B3GLCT: variants seen among roughly 807,000 people sequenced by gnomAD.
B3GLCT encodes the protein beta-1,3-glucosyltransferase.
In B3GLCT, 65 loss-of-function variants were observed where a neutral mutation model predicts 63.4. The observed-to-expected ratio is 1.03, with a 90% CI of 0.84 to 1.26. The LOEUF (loss-of-function observed/expected upper bound fraction) is 1.26, where lower values mean the gene tolerates loss of function less well. B3GLCT is among the 50% of genes most tolerant of loss of function. The pLI, the probability that B3GLCT is intolerant of heterozygous loss-of-function variation, is 0.00. For synonymous variants in B3GLCT, 233 were observed against 219.2 expected (o/e 1.06, Z -0.55); for missense variants, 577 against 604.8 (o/e 0.95, Z 0.48).
intron 12 of B3GLCT, among the ~76,000 whole-genome samples, chr13:31,312,106 A>G (rs1021241158): frequency 1.2e-4 from 18 of 152,212 alleles, no homozygotes; most frequent in African/African-American, 4.3e-4. Context: ...GCTTATCACA[A>G]GTGACAGCAA....
intron 1 of B3GLCT, among the ~76,000 whole-genome samples, chr13:31,208,011 G>A (rs1437850800): frequency 2.6e-5 from 4 of 152,184 alleles, no homozygotes; most frequent in Non-Finnish European, 4.4e-5. Context: ...GAGGGAAACA[G>A]AGGCTCAGAG....
intron 10 of B3GLCT, among the ~76,000 whole-genome samples, chr13:31,278,832 A>G (rs972977394): frequency 2.0e-5 from 3 of 152,158 alleles, no homozygotes; most frequent in Admixed American, 6.5e-5. Context: ...CATATGTTCT[A>G]TTACCTAGTT....
intron 2 of B3GLCT, among the ~76,000 whole-genome samples, chr13:31,216,220 A>C (rs994657355): frequency 6.6e-6 from 1 of 152,208 alleles, no homozygotes; most frequent in Non-Finnish European, 1.5e-5. Flanking sequence ...TGATAATACT[A>C]ATTTCTTACG....
intron 4 of B3GLCT, 65 bp from the exon 5 acceptor site, chr13:31,246,958 T>TTTTTTTTTTTTTTTTTTTG: frequency 9.1e-7 from 1 of 1,101,514 alleles, no homozygotes; most frequent in East Asian, 2.5e-5. Context: ...TTTCTTTTTT[T>TTTTTTTTTTTTTTTTTTTG]TTTTTTTTAC....
intron 1 of B3GLCT, among the ~76,000 whole-genome samples, chr13:31,211,889 A>C (rs1336021214): frequency 1.3e-5 from 2 of 152,202 alleles, no homozygotes; most frequent in African/African-American, 4.8e-5. Flanking sequence ...TCTACATTCT[A>C]AGGGCTAGGG....
At position 31,215,203 on chromosome 13, in the gene B3GLCT, T is replaced by C. The variant is rs1006631793; in HGVS notation, c.120+103T>C. ...TTCATTCTTCAATTGTTATTTTTAT[T>C]GTTACATAATTCATATAATGTGGTC... On this transcript the variant is annotated intron_variant, in intron 2 of 14. Transcript: ENST00000343307. 46 of 1,186,522 alleles carry C rather than the reference T, an allele frequency of 3.9e-5. No individual in the cohort carries two copies. In the East Asian group the frequency reaches 1.0e-3, roughly 27 times the overall value. The allele number at this position is 1,186,522 out of a possible 1,614,324, so 73.5% of individuals were successfully genotyped here.
Position 31,200,305 on chromosome 13 carries a change from C to T in B3GLCT, c.70+151C>T, listed in dbSNP as rs1868577783. 8 of 270,670 alleles carry T rather than the reference C, an allele frequency of 3.0e-5. No individual in the cohort carries two copies. The South Asian group carries it at 1.1e-3, about 38-fold the overall frequency. 16.8% of individuals were successfully genotyped at this position (270,670 alleles called of 1,614,324 possible). A position where few individuals can be genotyped will look rare whatever the true frequency, so the allele number is the denominator to read the frequency against. On this transcript the variant is annotated intron_variant, in intron 1 of 14. Transcript: ENST00000343307. Reference sequence around the variant, plus strand: ...TCCCGCCGTCCGGTCCCCGCCGCGCCGCGCCGTCAGCAGCGCCCTCTCGCG... The same window carrying T: ...TCCCGCCGTCCGGTCCCCGCCGCGCTGCGCCGTCAGCAGCGCCCTCTCGCG...
rs1555254605 is a variant in B3GLCT, at chr13:31,308,362, A to AAAAAAAAAC, written c.1065-9196_1065-9195insCAAAAAAAA. Reference sequence around the variant, plus strand: ...AAAAAAAAATTAAAAAAAAAAAAACAAAAAAAAAAGCTAGTCCCACATGGC... The same window carrying AAAAAAAAAC: ...AAAAAAAAATTAAAAAAAAAAAAACAAAAAAAAACAAAAAAAAAGCTAGTCCCACATGGC... On this transcript the variant is annotated intron_variant, in intron 12 of 14. Coordinates refer to ENST00000343307, the MANE Select transcript of B3GLCT (RefSeq NM_194318.4). Among the ~76,000 whole-genome samples, 516 of 61,908 alleles carry AAAAAAAAAC rather than the reference A, an allele frequency of 8.3e-3. 30 individuals carry two copies. The highest frequency in any genetic ancestry group is 0.024 in the South Asian group (32 of 1,340). The allele number at this position is 61,908 out of a possible 152,430, so 40.6% of individuals were successfully genotyped here.
chr13:31,299,242 A>AT (rs1874104707), intron 12 of B3GLCT, among the ~76,000 whole-genome samples: 1 of 152,192 alleles, frequency 6.6e-6, no homozygotes, highest in Non-Finnish European at 1.5e-5. Flanking sequence ...CAGTGTTTTA[A>AT]TTACCTGTTC....
chr13:31,291,089 T>C (rs1016355654), intron 12 of B3GLCT, among the ~76,000 whole-genome samples: 1 of 152,242 alleles, frequency 6.6e-6, no homozygotes, highest in African/African-American at 2.4e-5. Flanking sequence ...ACACCACTTA[T>C]TAAATAGAGA....
intron 4 of B3GLCT, among the ~76,000 whole-genome samples, chr13:31,238,296 A>G (rs1170863307): frequency 2.0e-5 from 3 of 152,260 alleles, no homozygotes; most frequent in African/African-American, 7.2e-5. Flanking sequence ...CTAACTTTTT[A>G]TCTGACATTT....
intron 3 of B3GLCT, among the ~76,000 whole-genome samples, chr13:31,228,552 G>T (rs768988313): frequency 1.3e-5 from 2 of 152,166 alleles, no homozygotes; most frequent in Admixed American, 6.5e-5. Flanking sequence ...TCTGTCTTTG[G>T]CTTGTAGATG....
intron 10 of B3GLCT, among the ~76,000 whole-genome samples, chr13:31,282,154 C>A (rs1262924009): frequency 1.3e-5 from 2 of 152,094 alleles, no homozygotes; most frequent in African/African-American, 2.4e-5. Flanking sequence ...AGTTTAGTAT[C>A]TTTAGGAATA....
chr13:31,323,471 A>C (rs1875432895), intron 13 of B3GLCT, among the ~76,000 whole-genome samples: 1 of 152,222 alleles, frequency 6.6e-6, no homozygotes, highest in African/African-American at 2.4e-5. Flanking sequence ...TTATGGTATG[A>C]AAAGATTCAT....
At chr13:31,285,272 T>C (rs969576843) in intron 11 of B3GLCT, among the ~76,000 whole-genome samples, 1 of 151,950 alleles carries the variant, frequency 6.6e-6, no homozygotes, top group Non-Finnish European at 1.5e-5. Flanking sequence ...TTTTAGGACA[T>C]ACAGAGTGGA....
chr13:31,285,231 TC>T (rs1206597173), intron 11 of B3GLCT, among the ~76,000 whole-genome samples: 9 of 152,172 alleles, frequency 5.9e-5, no homozygotes, highest in Non-Finnish European at 2.9e-5. Flanking sequence ...GCTTTTCTCT[TC>T]AAATTGCAGG....
chr13:31,208,957 C>T (rs1227352663), intron 1 of B3GLCT, among the ~76,000 whole-genome samples: 3 of 151,866 alleles, frequency 2.0e-5, no homozygotes, highest in Admixed American at 6.6e-5. Context: ...GGTCCCTGCC[C>T]GGCCGGGTCA....
Position 31,274,677 on chromosome 13 carries a change from A to G in B3GLCT, c.780+49A>G. 10 of 1,604,346 alleles carry G rather than the reference A, an allele frequency of 6.2e-6. 1 individual carries two copies. The highest frequency in any genetic ancestry group is 4.4e-5 in the South Asian group (4 of 90,846). On this transcript the variant is annotated intron_variant, in intron 9 of 14. Coordinates refer to ENST00000343307, the MANE Select transcript of B3GLCT (RefSeq NM_194318.4). ...TTTGCATATCAAAGGAAAAATTTAG[A>G]TGCTGTGCATAATGTCATCCTAGCA...
At chr13:31,217,583 T>G (rs1160421912) in intron 2 of B3GLCT, among the ~76,000 whole-genome samples, 1 of 152,240 alleles carries the variant, frequency 6.6e-6, no homozygotes, top group Non-Finnish European at 1.5e-5. Context: ...GTTTTACATG[T>G]AAGTCTTTAA....
Sources: allele counts gnomAD v4.1 joint callset (sites outside exome capture counted in the v4.1 genomes callset), GRCh38; gene constraint gnomAD v4.1.1; transcripts MANE v1.5; gene names NCBI Gene and HGNC (gene_info 2026-07-23, HGNC 2026-07-21).